Variants in ZRANB3 observed in about 807,000 individuals in gnomAD.
ZRANB3 encodes the protein zinc finger RANBP2-type containing 3.
A neutral mutation model predicts 133.8 loss-of-function variants in ZRANB3; 125 were observed. The observed-to-expected ratio is 0.93, with a 90% CI of 0.81 to 1.08. The LOEUF is 1.08. Ranked by LOEUF, ZRANB3 falls within the 50% of genes least tolerant of loss-of-function variation. The pLI, the probability that ZRANB3 is intolerant of heterozygous loss-of-function variation, is 0.00. For synonymous variants in ZRANB3, 387 were observed against 432.7 expected (o/e 0.89, Z 1.31); for missense variants, 1,229 against 1,275.5 (o/e 0.96, Z 0.56).
intron 2 of ZRANB3, among the ~76,000 whole-genome samples, chr2:135,496,384 T>TAAA (rs56770947): frequency 3.9e-4 from 13 of 33,326 alleles, no homozygotes; most frequent in African/African-American, 8.8e-4. Flanking sequence ...AACTCCATCT[T>TAAA]AAAAAAAAAA....
At chr2:135,255,379 A>G (rs1573769220) in intron 12 of ZRANB3, among the ~76,000 whole-genome samples, 1 of 152,096 alleles carries the variant, frequency 6.6e-6, no homozygotes, top group African/African-American at 2.4e-5. Context: ...TTACCCCTAC[A>G]AAGAAAATAA....
rs372132222 is a variant in ZRANB3, at chr2:135,448,455, A to C, written c.161+55874T>G. Among the ~76,000 whole-genome samples, 97 of 152,362 alleles carry C rather than the reference A, an allele frequency of 6.4e-4. 1 individual carries two copies. The highest frequency in any genetic ancestry group is 2.0e-3 in the African/African-American group (83 of 41,594). ...TTTGTAAAGTAATAAAAGATATTTCAGTTGAACAACAGTTGGAAAATACTA... is the reference window on the plus strand; with the variant it reads ...TTTGTAAAGTAATAAAAGATATTTCCGTTGAACAACAGTTGGAAAATACTA... On this transcript the variant is annotated intron_variant, in intron 2 of 20. Coordinates refer to ENST00000264159, the MANE Select transcript of ZRANB3 (RefSeq NM_032143.4).
intron 2 of ZRANB3, among the ~76,000 whole-genome samples, chr2:135,466,480 T>G (rs1346943375): frequency 1.3e-5 from 2 of 151,450 alleles, no homozygotes; most frequent in African/African-American, 4.9e-5. Flanking sequence ...GGATCATGTT[T>G]AAAGGAAGCA....
chr2:135,446,648 AG>A (rs1690035035), intron 2 of ZRANB3, among the ~76,000 whole-genome samples: 1 of 152,224 alleles, frequency 6.6e-6, no homozygotes, highest in Admixed American at 6.5e-5. Flanking sequence ...GAAAATAAGA[AG>A]GAGCAAGAAA....
At chr2:135,478,380 C>A (rs2104788862) in intron 2 of ZRANB3, among the ~76,000 whole-genome samples, 1 of 152,150 alleles carries the variant, frequency 6.6e-6, no homozygotes, top group Non-Finnish European at 1.5e-5. Context: ...AGAATATTAT[C>A]AGCACCCCCC....
At chr2:135,209,331 C>T (rs1352439540) in intron 17 of ZRANB3, among the ~76,000 whole-genome samples, 1 of 152,196 alleles carries the variant, frequency 6.6e-6, no homozygotes, top group East Asian at 1.9e-4. Context: ...AACTGCTTGG[C>T]AAGCTGTGCA....
chr2:135,520,650 T>C (rs1215789356), intron 1 of ZRANB3, among the ~76,000 whole-genome samples: 1 of 151,952 alleles, frequency 6.6e-6, no homozygotes, highest in African/African-American at 2.4e-5. Context: ...AGTGGTGTGC[T>C]CTCGGCTCAC....
intron 2 of ZRANB3, among the ~76,000 whole-genome samples, chr2:135,424,417 T>C (rs1688987400): frequency 6.6e-6 from 1 of 152,034 alleles, no homozygotes; most frequent in Non-Finnish European, 1.5e-5. Flanking sequence ...AACATAATAT[T>C]AATGGTAATA....
chr2:135,250,104 G>T (rs1679315074), intron 12 of ZRANB3, among the ~76,000 whole-genome samples: 1 of 152,220 alleles, frequency 6.6e-6, no homozygotes, highest in African/African-American at 2.4e-5. Context: ...GGCTGAGGTG[G>T]TCTCAGATGG....
intron 2 of ZRANB3, among the ~76,000 whole-genome samples, chr2:135,446,974 T>A (rs1243124805): frequency 6.6e-6 from 1 of 152,122 alleles, no homozygotes; most frequent in African/African-American, 2.4e-5. Flanking sequence ...ACCTCTTGGG[T>A]TGTTCTGTTT....
chr2:135,471,801 A>G (rs143050356), intron 2 of ZRANB3, among the ~76,000 whole-genome samples: 131 of 152,376 alleles, frequency 8.6e-4, no homozygotes, highest in Admixed American at 4.4e-3. Flanking sequence ...CAAAGGGAAT[A>G]TCTAGATCTT....
At chr2:135,409,966 A>G (rs1688227643) in intron 2 of ZRANB3, among the ~76,000 whole-genome samples, 1 of 152,204 alleles carries the variant, frequency 6.6e-6, no homozygotes, top group Non-Finnish European at 1.5e-5. Context: ...TGTATGAAAC[A>G]CTGATGAAAG....
intron 10 of ZRANB3, 93 bp from the exon 11 acceptor site, chr2:135,269,234 G>A (rs1031500514): frequency 3.8e-6 from 4 of 1,055,344 alleles, no homozygotes; most frequent in Non-Finnish European, 2.5e-6. Flanking sequence ...AACACTGAAG[G>A]ACTTGAAAAC....
chr2:135,208,031 T>C (rs1310940547), intron 18 of ZRANB3, among the ~76,000 whole-genome samples, 195 bp from the exon 19 acceptor site: 1 of 152,188 alleles, frequency 6.6e-6, no homozygotes, highest in Non-Finnish European at 1.5e-5. Flanking sequence ...CAAAAATTAA[T>C]TGAATATAAA....
intron 3 of ZRANB3, among the ~76,000 whole-genome samples, chr2:135,376,282 C>T (rs1686425572): frequency 6.6e-6 from 1 of 152,160 alleles, no homozygotes; most frequent in African/African-American, 2.4e-5. Context: ...TTTAAGCCCC[C>T]CAGTTTGTGG....
intron 1 of ZRANB3, among the ~76,000 whole-genome samples, chr2:135,508,905 T>G (rs180780324): frequency 1.1e-4 from 16 of 152,230 alleles, no homozygotes; most frequent in Admixed American, 5.9e-4. Flanking sequence ...TACAATAATG[T>G]GCATACCTTT....
chr2:135,402,540 C>G lies in ZRANB3; in HGVS notation c.162-11720G>C, dbSNP rs557122437. ...TGATCTCCTGACCTCATGATCCACC[C>G]AACTCGGCCTCCCAATGTGCTGGGA... On this transcript the variant is annotated intron_variant, in intron 2 of 20. Coordinates refer to ENST00000264159, the MANE Select transcript of ZRANB3 (RefSeq NM_032143.4). Among the ~76,000 whole-genome samples the G allele has an allele frequency of 1.6e-3, 237 of 151,946 alleles. 2 individuals carry two copies. The highest frequency in any genetic ancestry group is 2.2e-4 in the Non-Finnish European group (15 of 67,976).
intron 1 of ZRANB3, among the ~76,000 whole-genome samples, chr2:135,515,649 CTGTT>C (rs1224054543): frequency 3.3e-5 from 5 of 152,148 alleles, no homozygotes; most frequent in Admixed American, 6.5e-5. Flanking sequence ...GTCTGAGAGA[CTGTT>C]TGTTATGATT....
At chr2:135,470,907 T>C (rs1691239118) in intron 2 of ZRANB3, among the ~76,000 whole-genome samples, 1 of 150,268 alleles carries the variant, frequency 6.7e-6, no homozygotes, top group African/African-American at 2.4e-5. Context: ...GTTCACAGCA[T>C]TCTCCTACCT....
Sources: allele counts gnomAD v4.1 joint callset (sites outside exome capture counted in the v4.1 genomes callset), GRCh38; gene constraint gnomAD v4.1.1; transcripts MANE v1.5; gene names NCBI Gene and HGNC (gene_info 2026-07-23, HGNC 2026-07-21).